MFHAS1: variants seen among roughly 807,000 people sequenced by gnomAD.
The protein encoded by MFHAS1 is malignant fibrous histiocytoma-amplified sequence 1.
A neutral mutation model predicts 70.4 loss-of-function variants in MFHAS1; 50 were observed. The ratio of observed to expected loss-of-function variants is 0.71; its 90% confidence interval spans 0.57 to 0.90. The LOEUF (loss-of-function observed/expected upper bound fraction) is 0.90, where lower values mean the gene tolerates loss of function less well. MFHAS1 is among the 40% of genes least tolerant of loss of function. The probability of loss-of-function intolerance (pLI) is 0.00; values close to 1 mark genes in which losing one functional copy is unlikely to be tolerated. For missense variants in MFHAS1, 1,795 were observed against 1,347.6 expected (o/e 1.33, Z -5.20); for synonymous variants, 952 against 620.0 (o/e 1.54, Z -7.96).
intron 2 of MFHAS1, among the ~76,000 whole-genome samples, chr8:8,791,132 T>G (rs1003807071): frequency 4.7e-5 from 5 of 105,824 alleles, no homozygotes; most frequent in East Asian, 2.1e-4. Context: ...CCCGTTTTTT[T>G]TTTTTTTTTT....
chr8:8,883,707 CAAAAAAAAAA>C (rs35799658), intron 1 of MFHAS1, among the ~76,000 whole-genome samples: 1 of 29,588 alleles, frequency 3.4e-5, no homozygotes, highest in Non-Finnish European at 6.2e-5. Flanking sequence ...GACTCAGTCT[CAAAAAAAAAA>C]AAAAAAAAAA....
At chr8:8,802,870 T>C (rs1372553945) in intron 1 of MFHAS1, among the ~76,000 whole-genome samples, 3 of 152,170 alleles carry the variant, frequency 2.0e-5, no homozygotes, top group African/African-American at 7.2e-5. Flanking sequence ...CACGGGATGC[T>C]GAATTCATGG....
At chr8:8,802,564 T>C (rs1442106641) in intron 1 of MFHAS1, among the ~76,000 whole-genome samples, 2 of 152,140 alleles carry the variant, frequency 1.3e-5, no homozygotes, top group Non-Finnish European at 2.9e-5. Flanking sequence ...CTTACCAACC[T>C]CCCACACTGT....
intron 1 of MFHAS1, among the ~76,000 whole-genome samples, chr8:8,802,723 G>T (rs538025128): frequency 2.0e-5 from 3 of 152,316 alleles, no homozygotes; most frequent in Admixed American, 2.0e-4. Context: ...GCAGGCAGGG[G>T]ACTGTCCTCT....
At chr8:8,878,827 A>G (rs1315967759) in intron 1 of MFHAS1, among the ~76,000 whole-genome samples, 1 of 152,192 alleles carries the variant, frequency 6.6e-6, no homozygotes, top group Admixed American at 6.5e-5. Flanking sequence ...AGGATCTAAG[A>G]AAATTAAACT....
At chr8:8,882,322 G>A (rs1809558147) in intron 1 of MFHAS1, among the ~76,000 whole-genome samples, 1 of 151,960 alleles carries the variant, frequency 6.6e-6, no homozygotes, top group African/African-American at 2.4e-5. Context: ...CCCAGGAGGT[G>A]GAGGTTGCAG....
At chr8:8,827,839 T>C (rs1391956810) in intron 1 of MFHAS1, among the ~76,000 whole-genome samples, 1 of 152,244 alleles carries the variant, frequency 6.6e-6, no homozygotes, top group East Asian at 1.9e-4. Flanking sequence ...TAAAATTTAC[T>C]CATGTTTCGT....
chr8:8,869,372 C>T (rs1195064080), intron 1 of MFHAS1, among the ~76,000 whole-genome samples: 1 of 152,174 alleles, frequency 6.6e-6, no homozygotes. Context: ...AACTCCGGGG[C>T]ACGCTACATA....
chr8:8,867,716 C>A (rs1471922538), intron 1 of MFHAS1, among the ~76,000 whole-genome samples: 1 of 152,002 alleles, frequency 6.6e-6, no homozygotes, highest in Non-Finnish European at 1.5e-5. Context: ...CGCCACCACA[C>A]CCGGCTAATT....
Position 8,783,949 on chromosome 8 carries a change from C to T in MFHAS1, c.*2073G>A, listed in dbSNP as rs1453881846. 2.0e-5 allele frequency: 3 copies of T among 152,114 alleles called. No homozygotes were observed. Among genetic ancestry groups the T allele is most frequent in the Non-Finnish European group, 4.4e-5 (3 of 68,024 alleles). 9.4% of individuals were successfully genotyped at this position (152,114 alleles called of 1,614,324 possible). ...AACCCTTTTGCTAAGACACATGTGA[C>T]ACCAAGGTTTCCTCTGACACTGCTT... On this transcript the variant is annotated 3_prime_UTR_variant, in exon 3 of 3. Transcript: ENST00000276282.
chr8:8,858,836 A>T (rs1481246397), intron 1 of MFHAS1, among the ~76,000 whole-genome samples: 4 of 152,200 alleles, frequency 2.6e-5, no homozygotes, highest in Non-Finnish European at 5.9e-5. Flanking sequence ...TCAGACCAAA[A>T]TAGAAATAAA....
chr8:8,807,406 C>T (rs1485282976), intron 1 of MFHAS1, among the ~76,000 whole-genome samples: 1 of 152,148 alleles, frequency 6.6e-6, no homozygotes, highest in Non-Finnish European at 1.5e-5. Flanking sequence ...TCTCCCTAAT[C>T]CTCACTTACT....
chr8:8,804,131 C>T (rs969106359), intron 1 of MFHAS1, among the ~76,000 whole-genome samples: 8 of 152,130 alleles, frequency 5.3e-5, no homozygotes, highest in African/African-American at 1.2e-4. Context: ...CTTTTCAAAA[C>T]GACTCAAACT....
chr8:8,829,456 A>G (rs1209660104), intron 1 of MFHAS1, among the ~76,000 whole-genome samples: 3 of 152,186 alleles, frequency 2.0e-5, no homozygotes, highest in Non-Finnish European at 4.4e-5. Flanking sequence ...CTAGGTGGGT[A>G]GATCACTTGA....
In MFHAS1 at chr8:8,891,423, C is replaced by T. The variant is rs1325033038; in HGVS notation, c.1636G>A (p.Glu546Lys). The change falls in exon 1 of 3, where the codon GAG (glutamate) becomes AAG (lysine). Residue 546 changes from glutamate to lysine, a missense_variant. Transcript: ENST00000276282. The surrounding 1 kb of genome is among the most constrained non-coding windows in gnomAD (Gnocchi z 5.4). ...ATGTCCAGACATTTCTCCTCCAGCT[C>T]ACGCTCTCCGCACAGGTCTGCGTGG... ...GTHADLCGERELEEKCLDIHR... is the reference protein window; with the variant it reads ...GTHADLCGERKLEEKCLDIHR... 8.7e-6 allele frequency: 14 copies of T among 1,612,726 alleles called. No homozygotes were observed. Among genetic ancestry groups the T allele is most frequent in the Non-Finnish European group, 1.2e-5 (14 of 1,180,048 alleles).
At chr8:8,824,802 G>C (rs1215113270) in intron 1 of MFHAS1, among the ~76,000 whole-genome samples, 2 of 152,198 alleles carry the variant, frequency 1.3e-5, no homozygotes, top group Non-Finnish European at 2.9e-5. Context: ...AAATAGATTA[G>C]AGAACAGGTA....
chr8:8,892,093 G>A lies in MFHAS1; in HGVS notation c.966C>T (p.Leu322=), dbSNP rs141105946. ...TGCGGTTATTATCCAGCCACAAGGT[G>A]AGAAGCCGGCCCAGGCCCGAGATAA... is the stretch of plus-strand genomic sequence containing the variant. ...PSLISGLGRL[L]TLWLDNNRIR... The change falls in exon 1 of 3, where the codon CTC becomes CTT. Residue 322 remains leucine (L), a synonymous_variant. Coordinates refer to ENST00000276282, the MANE Select transcript of MFHAS1 (RefSeq NM_004225.3). This position sits in a 1 kb window ranked among gnomAD's most constrained non-coding sequence, Gnocchi z 4.7. 962 of 1,613,462 alleles carry A rather than the reference G, an allele frequency of 6.0e-4. No homozygotes were observed. Among genetic ancestry groups the A allele is most frequent in the Non-Finnish European group, 7.2e-4 (850 of 1,180,038 alleles).
At chr8:8,853,445 C>T (rs1174162961) in intron 1 of MFHAS1, among the ~76,000 whole-genome samples, 1 of 143,586 alleles carries the variant, frequency 7.0e-6, no homozygotes. Flanking sequence ...TGGACAATCG[C>T]ACAAGGTGTC....
intron 1 of MFHAS1, among the ~76,000 whole-genome samples, chr8:8,858,182 G>A (rs1038913669): frequency 6.6e-6 from 1 of 152,202 alleles, no homozygotes; most frequent in African/African-American, 2.4e-5. Context: ...TAAGAAGCCA[G>A]CAAGGGAAGG....
Sources: allele counts gnomAD v4.1 joint callset (sites outside exome capture counted in the v4.1 genomes callset), GRCh38; gene constraint gnomAD v4.1.1; non-coding constraint Gnocchi (gnomAD v3.1); transcripts MANE v1.5; gene names NCBI Gene and HGNC (gene_info 2026-07-23, HGNC 2026-07-21).